Variants in UMOD observed in about 807,000 individuals in gnomAD.
UMOD encodes the protein Tamm-Horsfall urinary glycoprotein.
A neutral mutation model predicts 66.0 loss-of-function variants in UMOD; 64 were observed. That is an observed-to-expected ratio of 0.97 (90% confidence interval 0.79 to 1.19). The LOEUF is 1.19. Among genes scored for constraint, UMOD ranks in the 50% most tolerant of loss-of-function variants. UMOD has a pLI of 0.00. For synonymous variants in UMOD, 398 were observed against 352.7 expected (o/e 1.13, Z -1.44); for missense variants, 764 against 850.9 (o/e 0.90, Z 1.27).
chr16:20,353,021 G>A (rs990561303), upstream of UMOD: 8 of 305,000 alleles, frequency 2.6e-5, no homozygotes, highest in Non-Finnish European at 3.0e-5. Flanking sequence ...GCAGTGCCAA[G>A]GTGCTGGGCT....
Position 20,350,692 on chromosome 16 carries a change from A to T in UMOD, c.46T>A (p.Ser16Thr), listed in dbSNP as rs749912886. Residue 16 changes from serine (S) to threonine (T), a missense_variant, in exon 2 of 11, where the codon TCT becomes ACT. By Grantham distance (58) the Ser-to-Thr change is moderately conservative (BLOSUM62 1). Coordinates refer to ENST00000396138, the MANE Select transcript of UMOD (RefSeq NM_003361.4). ...GTGGCTGCAGTTGTGATGAACCAAG[A>T]GGCCACCACCACCATCAGCATCCAA... ...LTWMLMVVVASWFITTAATDT... is the reference protein window; with the variant it reads ...LTWMLMVVVATWFITTAATDT... 6.2e-7 allele frequency: 1 copy of T among 1,614,034 alleles called. No individual in the cohort carries two copies. The highest frequency in any genetic ancestry group is 8.5e-7 in the Non-Finnish European group (1 of 1,180,044).
intron 5 of UMOD, among the ~76,000 whole-genome samples, chr16:20,345,343 T>C (rs1473445082): frequency 1.3e-5 from 2 of 151,822 alleles, no homozygotes; most frequent in Non-Finnish European, 2.9e-5. Context: ...TCTTTCTTTC[T>C]TTCTTTCTTC....
At chr16:20,338,799 G>T (rs1235475044) in intron 7 of UMOD, among the ~76,000 whole-genome samples, 1 of 149,792 alleles carries the variant, frequency 6.7e-6, no homozygotes, top group African/African-American at 2.5e-5. Context: ...CACTCTTGTT[G>T]CCCAAGCTGG....
intron 9 of UMOD, among the ~76,000 whole-genome samples, chr16:20,336,422 T>G (rs1964872893): frequency 6.6e-6 from 1 of 152,222 alleles, no homozygotes; most frequent in Non-Finnish European, 1.5e-5. Flanking sequence ...CTCCCCCGTG[T>G]CCTGTGTTAC....
At chr16:20,334,032 C>CAAAAAAAAA (rs575596167) in intron 10 of UMOD, among the ~76,000 whole-genome samples, 1 of 57,108 alleles carries the variant, frequency 1.8e-5, no homozygotes, top group East Asian at 5.4e-4. Context: ...GATTCCATCT[C>CAAAAAAAAA]AAAAAAAAAA....
chr16:20,350,017 C>A (rs1965814289), intron 2 of UMOD: 2 of 815,242 alleles, frequency 2.5e-6, no homozygotes, highest in Non-Finnish European at 1.8e-6. Context: ...TTTTATGTAT[C>A]CTTATTTTAA....
Position 20,349,064 on chromosome 16 carries a change from G to A in UMOD, c.237C>T (p.Ala79=). The A allele has an allele frequency of 6.2e-7, 1 of 1,609,912 alleles. No homozygotes were observed. Among genetic ancestry groups the A allele is most frequent in the African/African-American group, 1.3e-5 (1 of 74,932 alleles). Residue 79 remains alanine (A), a synonymous_variant, in exon 3 of 11, where the codon GCC becomes GCT. Coordinates refer to ENST00000396138, the MANE Select transcript of UMOD (RefSeq NM_003361.4). Reference sequence around the variant, plus strand: ...CTGGCGTGTTTACGCAGCTGCTGTTGGCGGAGCAGTTGTGAGCTCCAGGAA... The same window carrying A: ...CTGGCGTGTTTACGCAGCTGCTGTTAGCGGAGCAGTTGTGAGCTCCAGGAA... ...CAIPGAHNCS[A]NSSCVNTPGS... is the part of the protein sequence containing the mutation.
chr16:20,348,696 C>A lies in UMOD; in HGVS notation c.605G>T (p.Trp202Leu). 6.4e-7 allele frequency: 1 copy of A among 1,553,016 alleles called. No individual in the cohort carries two copies. The highest frequency in any genetic ancestry group is 8.7e-7 in the Non-Finnish European group (1 of 1,150,612). Residue 202 changes from tryptophan (W) to leucine (L), a missense_variant, in exon 3 of 11, where the codon TGG becomes TTG. Physicochemically the swap from Trp to Leu is moderately conservative, Grantham distance 61. Transcript: ENST00000396138. ...ACCGCCCTGGCCCACGAAGCGGTAC[C>A]AGCCGCGCAGGTCCGTGTCGCAGGC... ...GYACDTDLRG[W>L]YRFVGQGGAR...
Position 20,344,219 on chromosome 16 carries a change from G to T in UMOD, c.1183-47C>A, listed in dbSNP as rs766062713. 5.1e-6 allele frequency: 8 copies of T among 1,570,082 alleles called. No homozygotes were observed. The Admixed American group carries it at 1.3e-4, about 26-fold the overall frequency. Reference sequence around the variant, plus strand: ...GAGGGGGGGTGGGGATGAGAGAAAGGGGCATGAGAATCTGAGTAGGACTTC... The same window carrying T: ...GAGGGGGGGTGGGGATGAGAGAAAGTGGCATGAGAATCTGAGTAGGACTTC... On this transcript the variant is annotated intron_variant, in intron 5 of 10. Coordinates refer to ENST00000396138, the MANE Select transcript of UMOD (RefSeq NM_003361.4).
At chr16:20,340,477 T>C (rs1821779983) in intron 7 of UMOD, among the ~76,000 whole-genome samples, 1 of 139,584 alleles carries the variant, frequency 7.2e-6, no homozygotes, top group Non-Finnish European at 1.5e-5. Context: ...TGTGTGTATA[T>C]ATATATATAT....
chr16:20,348,446 C>A lies in UMOD; in HGVS notation c.855G>T (p.Ala285=). 6.2e-7 allele frequency: 1 copy of A among 1,613,798 alleles called. No homozygotes were observed. Among genetic ancestry groups the A allele is most frequent in the Non-Finnish European group, 8.5e-7 (1 of 1,179,968 alleles). The change falls in exon 3 of 11, where the codon GCG becomes GCT. Residue 285 remains alanine, a synonymous_variant. Coordinates refer to ENST00000396138, the MANE Select transcript of UMOD (RefSeq NM_003361.4). ...NLTAPPECHL[A]YCTDPSSVEG... is the part of the protein sequence containing the mutation. ...GAGACTCCGGCTGACCTGTGCAGTA[C>A]GCCAGGTGACACTCGGGGGGCGCTG...
In UMOD at chr16:20,344,074, G is replaced by A. The variant is rs1596552135; in HGVS notation, c.1281C>T (p.Tyr427=). 5.0e-6 allele frequency: 8 copies of A among 1,613,224 alleles called. No individual in the cohort carries two copies. In the East Asian group the frequency reaches 1.3e-4, roughly 27 times the overall value. The change falls in exon 6 of 11, where the codon TAC becomes TAT. Residue 427 remains tyrosine, a synonymous_variant. Coordinates refer to ENST00000396138, the MANE Select transcript of UMOD (RefSeq NM_003361.4). ...TCAGGCTGACTTTCATGTCCAGGGG[G>A]TAGGAGCATGCAAAGTTGATTTTGA... The part of the protein sequence containing the change: ...LNIKINFACS[Y]PLDMKVSLKT...
rs772407609 is a variant in UMOD at position 20,348,666 on chromosome 16, C to A, written c.635G>T (p.Arg212Leu). The change falls in exon 3 of 11, where the codon CGC (arginine) becomes CTC (leucine). Residue 212 changes from arginine (R) to leucine (L), a missense_variant. By Grantham distance (102) the Arg-to-Leu change is moderately radical (BLOSUM62 -2). Transcript: ENST00000396138. ...WYRFVGQGGA[R>L]MAETCVPVLR... ...GACTGGCACGCAGGTCTCGGCCATG[C>A]GCGCACCGCCCTGGCCCACGAAGCG... 3 of 1,556,206 alleles carry A rather than the reference C, an allele frequency of 1.9e-6. No individual in the cohort carries two copies. Among genetic ancestry groups the A allele is most frequent in the South Asian group, 2.3e-5 (2 of 85,138 alleles).
intron 7 of UMOD, among the ~76,000 whole-genome samples, chr16:20,337,656 G>A (rs1054777715): frequency 3.9e-5 from 6 of 152,130 alleles, no homozygotes; most frequent in South Asian, 2.1e-4. Context: ...GATTAAATTC[G>A]TTAATTTCTC....
At chr16:20,345,409 T>C (rs1364720089) in intron 5 of UMOD, among the ~76,000 whole-genome samples, 104 of 111,820 alleles carry the variant, frequency 9.3e-4, no homozygotes, top group Admixed American at 2.2e-3. Flanking sequence ...TTTTTCTTTC[T>C]TTCTTTCTTT....
chr16:20,334,295 A>C (rs1008473472), intron 10 of UMOD, among the ~76,000 whole-genome samples: 19 of 152,040 alleles, frequency 1.2e-4, no homozygotes, highest in African/African-American at 4.3e-4. Flanking sequence ...TACTCAACGA[A>C]TATTCATCAC....
chr16:20,337,414 C>T lies in UMOD; in HGVS notation c.1617G>A (p.Glu539=), dbSNP rs1202186674. The T allele has an allele frequency of 4.3e-6, 7 of 1,614,178 alleles. No homozygotes were observed. The East Asian group carries it at 1.3e-4, about 31-fold the overall frequency. The change falls in exon 8 of 11, where the codon GAG becomes GAA. Residue 539 remains glutamate, a synonymous_variant. Transcript: ENST00000396138. ...HTRDSTIQVV[E]NGESSQGRFS... is the part of the protein sequence containing the mutation. ...ATCGGCCCTGGGAGGACTCCCCATT[C>T]TCCACCACTTGGATAGTTGAGTCTC...
At chr16:20,342,984 G>C (rs1965319381) in intron 6 of UMOD, among the ~76,000 whole-genome samples, 3 of 152,084 alleles carry the variant, frequency 2.0e-5, no homozygotes, top group Admixed American at 6.6e-5. Flanking sequence ...ACAAAACTTA[G>C]CTGGGTGTGG....
chr16:20,337,855 A>G (rs1325487453), intron 7 of UMOD, among the ~76,000 whole-genome samples: 1 of 152,182 alleles, frequency 6.6e-6, no homozygotes, highest in Non-Finnish European at 1.5e-5. Flanking sequence ...ATAACAATGG[A>G]AACCTCTGGG....
Sources: allele counts gnomAD v4.1 joint callset (sites outside exome capture counted in the v4.1 genomes callset), GRCh38; gene constraint gnomAD v4.1.1; transcripts MANE v1.5; gene names NCBI Gene and HGNC (gene_info 2026-07-23, HGNC 2026-07-21).